The following SGCE variants were observed in gnomAD, a reference collection of about 807,000 sequenced individuals.
The protein encoded by SGCE is epsilon-sarcoglycan.
A neutral mutation model predicts 57.8 loss-of-function variants in SGCE; 26 were observed. The ratio of observed to expected loss-of-function variants is 0.45; its 90% CI spans 0.33 to 0.62. The LOEUF (loss-of-function observed/expected upper bound fraction) is 0.62. Ranked by LOEUF, SGCE falls within the 20% of genes least tolerant of loss-of-function variation. The pLI, the probability that SGCE is intolerant of heterozygous loss-of-function variation, is 0.02. For synonymous variants in SGCE, 183 were observed against 189.5 expected (o/e 0.97, Z 0.28); for missense variants, 468 against 548.6 (o/e 0.85, Z 1.47).
At chr7:94,638,055 A>T (rs1356134147) in intron 1 of SGCE, among the ~76,000 whole-genome samples, 3 of 152,342 alleles carry the variant, frequency 2.0e-5, no homozygotes, top group Non-Finnish European at 4.4e-5. Context: ...ATCAGGGGTG[A>T]TTCCCTTGAA....
At chr7:94,642,656 T>G (rs1168770240) in intron 1 of SGCE, among the ~76,000 whole-genome samples, 1 of 152,142 alleles carries the variant, frequency 6.6e-6, no homozygotes, top group Non-Finnish European at 1.5e-5. Context: ...CTGAAAACCC[T>G]ACCCATTCCA....
intron 6 of SGCE, among the ~76,000 whole-genome samples, chr7:94,601,484 A>C (rs189618419): frequency 6.8e-6 from 1 of 147,068 alleles, no homozygotes; most frequent in Non-Finnish European, 1.5e-5. Flanking sequence ...AAACTACAAC[A>C]GTTGCACTAT....
chr7:94,632,653 T>C (rs1804892002), intron 1 of SGCE, among the ~76,000 whole-genome samples: 1 of 152,080 alleles, frequency 6.6e-6, no homozygotes, highest in Non-Finnish European at 1.5e-5. Flanking sequence ...AATACTTCCT[T>C]TCTGTAGCAT....
intron 1 of SGCE, among the ~76,000 whole-genome samples, chr7:94,645,165 C>T (rs1806889214): frequency 6.6e-6 from 1 of 152,206 alleles, no homozygotes; most frequent in Non-Finnish European, 1.5e-5. Context: ...CCCCCAAATA[C>T]AGTCATGCAT....
chr7:94,593,400 CA>C (rs908109640), intron 9 of SGCE, among the ~76,000 whole-genome samples: 3 of 151,626 alleles, frequency 2.0e-5, no homozygotes, highest in Admixed American at 6.6e-5. Flanking sequence ...CCTACCACTC[CA>C]AAAAAATCAA....
chr7:94,636,930 T>A (rs1805668213), intron 1 of SGCE, among the ~76,000 whole-genome samples: 1 of 151,684 alleles, frequency 6.6e-6, no homozygotes, highest in African/African-American at 2.4e-5. Context: ...CAGGGCGTGG[T>A]GGTGGGTGCC....
At position 94,628,190 on chromosome 7, in the gene SGCE, G is replaced by A; in HGVS notation, c.390+12C>T. The A allele has an allele frequency of 6.3e-7, 1 of 1,599,858 alleles. No individual in the cohort carries two copies. The highest frequency in any genetic ancestry group is 2.2e-5 in the East Asian group (1 of 44,708). On this transcript the variant is annotated intron_variant, in intron 3 of 10. Transcript: ENST00000648936. ...TATATGTATAGTTTTGCTCTTTCTA[G>A]GTGTAAATTACCTCAATGATTGTTG... is the stretch of plus-strand genomic sequence containing the variant.
At chr7:94,590,137 C>T (rs1203522839) in intron 9 of SGCE, 1 of 152,204 alleles carries the variant, frequency 6.6e-6, no homozygotes, top group Non-Finnish European at 1.5e-5. Context: ...CAACAACCAA[C>T]TACCATGTCC....
rs1048726105 is a variant in SGCE at position 94,599,633 on chromosome 7, C to T, written c.1064+64G>A. 3 of 1,233,724 alleles carry T rather than the reference C, an allele frequency of 2.4e-6. No individual in the cohort carries two copies. The African/African-American group carries it at 4.5e-5, about 18-fold the overall frequency. The allele number at this position is 1,233,724 out of a possible 1,614,324, so 76.4% of individuals were successfully genotyped here. On this transcript the variant is annotated intron_variant, in intron 8 of 10. Transcript: ENST00000648936. ...AAAAGCTTGACACACATGTATGGAG[C>T]ATGATGGGCAACTGAGAGGTGGGAA... is the stretch of plus-strand genomic sequence containing the variant.
At chr7:94,607,889 A>G (rs1043438373) in intron 5 of SGCE, among the ~76,000 whole-genome samples, 1 of 152,224 alleles carries the variant, frequency 6.6e-6, no homozygotes, top group South Asian at 2.1e-4. Context: ...AACTCCTAAA[A>G]CTAGTGAGTG....
chr7:94,645,058 C>G (rs1316940327), intron 1 of SGCE, among the ~76,000 whole-genome samples: 1 of 152,280 alleles, frequency 6.6e-6, no homozygotes, highest in Middle Eastern at 3.4e-3. Context: ...ATTATGTTAA[C>G]TCACCCCAGG....
chr7:94,594,181 G>A (rs1391476698), intron 9 of SGCE, among the ~76,000 whole-genome samples: 1 of 152,102 alleles, frequency 6.6e-6, no homozygotes, highest in Non-Finnish European at 1.5e-5. Context: ...GATTTTTGAT[G>A]TGAAGTCTTT....
At chr7:94,615,779 A>G (rs1279686382) in intron 5 of SGCE, among the ~76,000 whole-genome samples, 1 of 152,158 alleles carries the variant, frequency 6.6e-6, no homozygotes, top group Non-Finnish European at 1.5e-5. Flanking sequence ...CACCATTTAC[A>G]CTACATCACT....
chr7:94,612,215 GT>G (rs1277992948), intron 5 of SGCE, among the ~76,000 whole-genome samples: 1 of 151,896 alleles, frequency 6.6e-6, no homozygotes, highest in Non-Finnish European at 1.5e-5. Flanking sequence ...TCCTCTCAAG[GT>G]AACATAAATG....
chr7:94,601,443 C>CAAAA (rs71123905), intron 6 of SGCE, among the ~76,000 whole-genome samples: 1,577 of 89,180 alleles, frequency 0.018, 295 homozygotes, highest in African/African-American at 0.058. Flanking sequence ...ATCCCAGTAT[C>CAAAA]AAAAAAAAAA....
At chr7:94,607,241 A>G (rs562946984) in intron 5 of SGCE, among the ~76,000 whole-genome samples, 1 of 152,034 alleles carries the variant, frequency 6.6e-6, no homozygotes, top group Non-Finnish European at 1.5e-5. Context: ...AATTATGCCA[A>G]CTCTCTACAA....
intron 9 of SGCE, 138 bp downstream of exon 9, chr7:94,598,637 G>A: frequency 1.3e-6 from 1 of 745,310 alleles, no homozygotes; most frequent in South Asian, 1.5e-5. Flanking sequence ...GTAGGGGTGA[G>A]ATTTACACAA....
At chr7:94,608,880 G>T (rs1439242131) in intron 5 of SGCE, among the ~76,000 whole-genome samples, 4 of 152,142 alleles carry the variant, frequency 2.6e-5, no homozygotes, top group Non-Finnish European at 4.4e-5. Flanking sequence ...TGTAAAAAAT[G>T]AATCTAGATA....
At chr7:94,633,566 C>G (rs1018654814) in intron 1 of SGCE, among the ~76,000 whole-genome samples, 1 of 151,980 alleles carries the variant, frequency 6.6e-6, no homozygotes, top group Non-Finnish European at 1.5e-5. Flanking sequence ...TTCAACAACT[C>G]TATATTATGT....
Sources: allele counts gnomAD v4.1 joint callset (sites outside exome capture counted in the v4.1 genomes callset), GRCh38; gene constraint gnomAD v4.1.1; transcripts MANE v1.5; gene names NCBI Gene and HGNC (gene_info 2026-07-23, HGNC 2026-07-21).